The following LOXL1 variants were observed in gnomAD, a reference collection of about 807,000 sequenced individuals.
LOXL1 encodes the protein lysyl oxidase homolog 1.
Under a neutral mutation model 62.2 loss-of-function variants are expected in LOXL1, and 31 were observed. The observed-to-expected ratio is 0.50, with a 90% CI of 0.37 to 0.67. LOXL1 has a LOEUF of 0.67. Ranked by LOEUF, LOXL1 falls within the 30% of genes least tolerant of loss-of-function variation. LOXL1 has a pLI of 0.00. For synonymous variants in LOXL1, 403 were observed against 384.4 expected, an observed-to-expected ratio of 1.05 and a Z score of -0.56; for missense variants, 775 against 843.4, an observed-to-expected ratio of 0.92 and a Z score of 1.00.
intron 6 of LOXL1, among the ~76,000 whole-genome samples, chr15:73,950,878 C>T (rs1473463072): frequency 6.6e-6 from 1 of 152,220 alleles, no homozygotes; most frequent in Non-Finnish European, 1.5e-5. Flanking sequence ...GCCTCCAGTT[C>T]AGTGCAGAGA....
chr15:73,937,369 T>A (rs1011667670), intron 1 of LOXL1, among the ~76,000 whole-genome samples: 2 of 152,238 alleles, frequency 1.3e-5, no homozygotes, highest in Non-Finnish European at 2.9e-5. Flanking sequence ...TTGAAGGGCA[T>A]GCTATAGCTA....
chr15:73,939,655 C>T (rs553058755), intron 1 of LOXL1, among the ~76,000 whole-genome samples: 1 of 152,298 alleles, frequency 6.6e-6, no homozygotes, highest in East Asian at 1.9e-4. Context: ...AGAAACAATC[C>T]ACAGCTTGAT....
chr15:73,936,599 T>C (rs935546749), intron 1 of LOXL1, among the ~76,000 whole-genome samples: 2 of 152,354 alleles, frequency 1.3e-5, no homozygotes, highest in South Asian at 4.1e-4. Flanking sequence ...CATTCCACTT[T>C]CCATCATTTG....
chr15:73,943,539 AAG>A (rs760304564), intron 2 of LOXL1, among the ~76,000 whole-genome samples: 1 of 152,318 alleles, frequency 6.6e-6, no homozygotes, highest in Admixed American at 6.5e-5. Flanking sequence ...TTGCACTGGA[AAG>A]AGGGGAAGGA....
chr15:73,937,804 C>T (rs146340634), intron 1 of LOXL1, among the ~76,000 whole-genome samples: 305 of 152,316 alleles, frequency 2.0e-3, no homozygotes, highest in Non-Finnish European at 2.6e-3. Flanking sequence ...TCCACCCAGT[C>T]TTTGGGTGGT....
intron 1 of LOXL1, among the ~76,000 whole-genome samples, chr15:73,936,769 C>G (rs749278335): frequency 3.3e-5 from 5 of 152,208 alleles, no homozygotes; most frequent in Admixed American, 6.5e-5. Flanking sequence ...CTCCAGGAAC[C>G]GCTGGGCAGG....
intron 1 of LOXL1, among the ~76,000 whole-genome samples, chr15:73,938,636 G>A (rs1047212570): frequency 1.3e-5 from 2 of 152,192 alleles, no homozygotes. Flanking sequence ...ACTTGAACCC[G>A]GGAAGCGGAT....
chr15:73,928,410 G>C (rs1327668387), intron 1 of LOXL1, among the ~76,000 whole-genome samples: 6 of 152,192 alleles, frequency 3.9e-5, no homozygotes, highest in Non-Finnish European at 7.3e-5. Context: ...AGGTTGGCTT[G>C]AGTGCGCAGG....
At chr15:73,928,092 C>G in intron 1 of LOXL1, 1 of 430,164 alleles carries the variant, frequency 2.3e-6, no homozygotes, top group South Asian at 9.5e-5. Context: ...ACCCAGGCAT[C>G]ATCAGTGCCA....
At chr15:73,931,300 G>C (rs907291963) in intron 1 of LOXL1, among the ~76,000 whole-genome samples, 2 of 151,934 alleles carry the variant, frequency 1.3e-5, no homozygotes, top group Non-Finnish European at 2.9e-5. Context: ...TCAGAGGCCA[G>C]GAGAGAACCG....
intron 1 of LOXL1, among the ~76,000 whole-genome samples, chr15:73,942,442 C>G (rs1024564391): frequency 1.3e-5 from 2 of 152,046 alleles, no homozygotes; most frequent in African/African-American, 4.8e-5. Context: ...TGTCCAGAGG[C>G]CTGGGGAGTA....
chr15:73,937,682 C>T (rs1282684764), intron 1 of LOXL1, among the ~76,000 whole-genome samples: 2 of 152,246 alleles, frequency 1.3e-5, no homozygotes, highest in African/African-American at 4.8e-5. Flanking sequence ...CAACCCAAGG[C>T]CACACAGAAG....
intron 6 of LOXL1, among the ~76,000 whole-genome samples, chr15:73,951,357 G>A (rs979556358): frequency 1.3e-5 from 2 of 152,152 alleles, no homozygotes; most frequent in African/African-American, 2.4e-5. Flanking sequence ...TGGAAAGGCC[G>A]GGCCTTATTA....
intron 2 of LOXL1, among the ~76,000 whole-genome samples, chr15:73,944,117 C>T (rs950503922): frequency 7.2e-5 from 11 of 152,212 alleles, no homozygotes; most frequent in African/African-American, 2.2e-4. Context: ...GTCCAGGGAC[C>T]GCAGGCTGAG....
At chr15:73,939,340 C>CG (rs1011062704) in intron 1 of LOXL1, among the ~76,000 whole-genome samples, 15 of 152,104 alleles carry the variant, frequency 9.9e-5, no homozygotes, top group African/African-American at 2.4e-4. Context: ...GAGGGTGAGG[C>CG]GGGGGGGCCT....
At chr15:73,951,044 A>G (rs767574955) in intron 6 of LOXL1, among the ~76,000 whole-genome samples, 1 of 152,224 alleles carries the variant, frequency 6.6e-6, no homozygotes, top group Non-Finnish European at 1.5e-5. Context: ...TAGCCATTCA[A>G]GACCCAGGGT....
At chr15:73,948,004 C>T (rs895042325) in intron 5 of LOXL1, 102 bp downstream of exon 5, 5 of 809,092 alleles carry the variant, frequency 6.2e-6, no homozygotes, top group Non-Finnish European at 9.7e-6. Context: ...TTCCCTTCTC[C>T]CCAGCTGCCG....
chr15:73,941,751 C>T (rs1036343558), intron 1 of LOXL1: 1 of 153,298 alleles, frequency 6.5e-6, no homozygotes, highest in Non-Finnish European at 1.5e-5. Flanking sequence ...CCCCCCTGCC[C>T]ACACCCACTG....
intron 1 of LOXL1, among the ~76,000 whole-genome samples, chr15:73,934,509 G>C (rs1182066496): frequency 1.3e-5 from 2 of 152,208 alleles, no homozygotes; most frequent in African/African-American, 4.8e-5. Context: ...GCTGAGTACA[G>C]GCAAAAGATA....
Sources: allele counts gnomAD v4.1 joint callset (sites outside exome capture counted in the v4.1 genomes callset), GRCh38; gene constraint gnomAD v4.1.1; transcripts MANE v1.5; gene names NCBI Gene and HGNC (gene_info 2026-07-23, HGNC 2026-07-21).